The following ABCA13 variants were observed in gnomAD, a reference collection of about 807,000 sequenced individuals.
The protein encoded by ABCA13 is ATP binding cassette subfamily A member 13.
A neutral mutation model predicts 478.7 loss-of-function variants in ABCA13; 476 were observed. The observed-to-expected ratio is 0.99, with a 90% CI of 0.92 to 1.07. The LOEUF (loss-of-function observed/expected upper bound fraction) is 1.07. Ranked by LOEUF, ABCA13 falls within the 50% of genes least tolerant of loss-of-function variation. The pLI is 0.00. For synonymous variants in ABCA13, 2,252 were observed against 2,158.9 expected (o/e 1.04, Z -1.20); for missense variants, 6,060 against 5,910.6 (o/e 1.03, Z -0.83).
chr7:48,270,241 G>T (rs144886850), intron 16 of ABCA13, among the ~76,000 whole-genome samples: 2 of 152,144 alleles, frequency 1.3e-5, no homozygotes, highest in African/African-American at 4.8e-5. Flanking sequence ...GCTTGAACCT[G>T]TCAATTAAAA....
In ABCA13 at chr7:48,276,437, G is replaced by C. The variant is rs1352661666; in HGVS notation, c.6771G>C (p.Leu2257=). 7.6e-6 allele frequency: 12 copies of C among 1,580,294 alleles called. No homozygotes were observed. The South Asian group carries it at 1.1e-4, about 14-fold the overall frequency. Residue 2257 remains leucine (L), a synonymous_variant, in exon 17 of 62, where the codon CTG becomes CTC. Coordinates refer to ENST00000435803, the MANE Select transcript of ABCA13 (RefSeq NM_152701.5). ...CTAGTAGGAAAACAGTTCTCTCTCTGAGAAGCATAGTAGATTTCACAGAAC... is the reference window on the plus strand; with the variant it reads ...CTAGTAGGAAAACAGTTCTCTCTCTCAGAAGCATAGTAGATTTCACAGAAC... ...SETSRKTVLS[L]RSIVDFTEQF...
At chr7:48,574,031 G>A (rs188585494) in intron 55 of ABCA13, among the ~76,000 whole-genome samples, 2 of 151,826 alleles carry the variant, frequency 1.3e-5, no homozygotes, top group East Asian at 3.9e-4. Context: ...GCCTCATTTG[G>A]ATTTGATTTT....
Position 48,316,462 on chromosome 7 carries a change from G to C in ABCA13, c.9860-695G>C, listed in dbSNP as rs528764329. Among the ~76,000 whole-genome samples, 40 of 152,248 alleles carry C rather than the reference G, an allele frequency of 2.6e-4. No individual in the cohort carries two copies. In the South Asian group the frequency reaches 8.3e-3, roughly 32 times the overall value. On this transcript the variant is annotated intron_variant, in intron 26 of 61. Transcript: ENST00000435803. ...CTTTTTGATTACTTAGTTTGAAAAT[G>C]TAAGTCATTCTTTCCTGCCTTTGAA...
chr7:48,395,638 G>A (rs74935491), intron 38 of ABCA13, among the ~76,000 whole-genome samples: 4,018 of 152,164 alleles, frequency 0.026, 90 homozygotes, highest in Non-Finnish European at 0.042. Context: ...CCTACTCAAC[G>A]TGAAGATGAC....
At position 48,599,641 on chromosome 7, in the gene ABCA13, G is replaced by A. The variant is rs948753295; in HGVS notation, c.14744+4828G>A. On this transcript the variant is annotated intron_variant, in intron 58 of 61. Coordinates refer to ENST00000435803, the MANE Select transcript of ABCA13 (RefSeq NM_152701.5). Reference sequence around the variant, plus strand: ...TTTGACCAAGCAATCCCATTACTGAGTATTTGGTTTTGCAAGTCGTATGGT... The same window carrying A: ...TTTGACCAAGCAATCCCATTACTGAATATTTGGTTTTGCAAGTCGTATGGT... Among the ~76,000 whole-genome samples, 12 of 152,278 alleles carry A rather than the reference G, an allele frequency of 7.9e-5. No individual in the cohort carries two copies. The South Asian group carries it at 8.3e-4, about 11-fold the overall frequency.
At chr7:48,251,986 A>C (rs1034180758) in intron 15 of ABCA13, among the ~76,000 whole-genome samples, 8 of 152,112 alleles carry the variant, frequency 5.3e-5, no homozygotes, top group African/African-American at 1.9e-4. Context: ...TAGTTTCATT[A>C]TGAGGTGGCT....
chr7:48,322,178 T>A (rs1803586102), intron 27 of ABCA13, among the ~76,000 whole-genome samples: 1 of 152,140 alleles, frequency 6.6e-6, no homozygotes, highest in Non-Finnish European at 1.5e-5. Context: ...ATAACATCAA[T>A]CAGGAAACAG....
chr7:48,175,308 T>C (rs751066025), intron 1 of ABCA13, among the ~76,000 whole-genome samples: 56 of 152,190 alleles, frequency 3.7e-4, no homozygotes, highest in Non-Finnish European at 7.1e-4. Context: ...ATACAAATAA[T>C]GTATGGTGAT....
intron 55 of ABCA13, 62 bp downstream of exon 55, chr7:48,528,407 G>A: frequency 8.6e-7 from 1 of 1,161,912 alleles, no homozygotes; most frequent in Non-Finnish European, 1.2e-6. Context: ...AGAACCCCCA[G>A]CATTTTCCCT....
At position 48,646,201 on chromosome 7, in the gene ABCA13, C is replaced by T. The variant is rs1203625861; in HGVS notation, c.*689C>T. 6.6e-6 allele frequency: 1 copy of T among 152,178 alleles called. No homozygotes were observed. Among genetic ancestry groups the T allele is most frequent in the African/African-American group, 2.4e-5 (1 of 41,450 alleles). 9.4% of individuals were successfully genotyped at this position (152,178 alleles called of 1,614,324 possible). On this transcript the variant is annotated 3_prime_UTR_variant, in exon 62 of 62. Transcript: ENST00000435803. ...AATTACAGTAGTTCTACCAGAATCT[C>T]CCAGGTTATAATTTATGAGGGTAGA...
At chr7:48,196,525 T>G (rs1305136052) in intron 2 of ABCA13, among the ~76,000 whole-genome samples, 1 of 152,120 alleles carries the variant, frequency 6.6e-6, no homozygotes, top group Admixed American at 6.5e-5. Context: ...AGGGCTGCTG[T>G]GAGGACTTGG....
chr7:48,182,962 G>T (rs962960815), intron 1 of ABCA13, among the ~76,000 whole-genome samples: 1 of 152,152 alleles, frequency 6.6e-6, no homozygotes, highest in Non-Finnish European at 1.5e-5. Context: ...ATCTGGGAAA[G>T]TCCCCTCTTT....
intron 15 of ABCA13, among the ~76,000 whole-genome samples, chr7:48,252,156 GT>G (rs1792672336): frequency 6.6e-6 from 1 of 151,906 alleles, no homozygotes. Flanking sequence ...GTGTACATTG[GT>G]TGGCTTGATG....
intron 31 of ABCA13, among the ~76,000 whole-genome samples, chr7:48,359,029 G>C (rs1291139122): frequency 6.6e-6 from 1 of 151,982 alleles, no homozygotes; most frequent in South Asian, 2.1e-4. Flanking sequence ...TTTGACACTT[G>C]CTGGTTCGCA....
chr7:48,220,607 G>A (rs1051919774), intron 4 of ABCA13, among the ~76,000 whole-genome samples: 1 of 152,002 alleles, frequency 6.6e-6, no homozygotes, highest in Non-Finnish European at 1.5e-5. Flanking sequence ...TCCAGGATGG[G>A]GCAGGGCTGG....
In ABCA13 at chr7:48,371,773, G is replaced by A. The variant is rs551788779; in HGVS notation, c.10804-395G>A. ...ACTTCCTCTTTTTCTATTTGAATACGCTTTATTTCTTTCTCTTGTCTATTT... is the reference window on the plus strand; with the variant it reads ...ACTTCCTCTTTTTCTATTTGAATACACTTTATTTCTTTCTCTTGTCTATTT... On this transcript the variant is annotated intron_variant, in intron 32 of 61. Transcript: ENST00000435803. 1.1e-4 allele frequency among the ~76,000 whole-genome samples: 16 copies of A among 152,092 alleles called. No individual in the cohort carries two copies. In the South Asian group the frequency reaches 2.9e-3, roughly 28 times the overall value.
intron 38 of ABCA13, among the ~76,000 whole-genome samples, chr7:48,394,875 A>G (rs1435846511): frequency 1.3e-5 from 2 of 152,138 alleles, no homozygotes; most frequent in African/African-American, 2.4e-5. Context: ...GGTGCAAACA[A>G]TGAAGCTGAA....
At chr7:48,219,616 A>C (rs893625331) in intron 4 of ABCA13, 111 bp downstream of exon 4, 24 of 1,370,004 alleles carry the variant, frequency 1.8e-5, no homozygotes, top group Middle Eastern at 3.7e-4. Context: ...GCCTGTGCTA[A>C]ACTTTCATAG....
chr7:48,303,797 A>AT (rs1463658779), intron 23 of ABCA13, among the ~76,000 whole-genome samples: 5 of 152,192 alleles, frequency 3.3e-5, no homozygotes, highest in East Asian at 1.9e-4. Context: ...GCAAAGTATC[A>AT]TTTTTTTCTC....
Sources: gnomAD v4.1 joint callset for allele counts (sites outside exome capture counted in the v4.1 genomes callset) on GRCh38, gnomAD v4.1.1 for gene constraint, MANE v1.5 for transcripts, NCBI Gene and HGNC (gene_info 2026-07-23, HGNC 2026-07-21) for gene names.